The following GPHN variants were observed in gnomAD, a reference collection of about 807,000 sequenced individuals.
GPHN encodes gephyrin.
GPHN carries 17 observed loss-of-function variants against 95.5 expected under a neutral mutation model. The ratio of observed to expected loss-of-function variants is 0.18; its 90% CI spans 0.12 to 0.27. The LOEUF is 0.27. GPHN is among the 10% of genes least tolerant of loss of function. The pLI is 1.00. For missense variants in GPHN, 660 were observed against 978.1 expected, an observed-to-expected ratio of 0.67 and a Z score of 4.34; for synonymous variants, 320 against 322.5, an observed-to-expected ratio of 0.99 and a Z score of 0.08.
intron 4 of GPHN, among the ~76,000 whole-genome samples, chr14:66,840,507 T>G (rs914081406): frequency 1.9e-4 from 29 of 152,068 alleles, no homozygotes; most frequent in Non-Finnish European, 3.4e-4. Flanking sequence ...TTTTAGATTT[T>G]GTAGGCATAT....
chr14:67,582,297 C>A, the GPHN span: 6 of 1,596,720 alleles, frequency 3.8e-6, no homozygotes, highest in African/African-American at 8.0e-5. The surrounding 1 kb of genome is among the most constrained non-coding windows in gnomAD (Gnocchi z 5.0). Context: ...AGAGATTCTG[C>A]AGATCCTGTG....
intron 5 of GPHN, among the ~76,000 whole-genome samples, chr14:66,908,846 C>CAA (rs111376119): frequency 1.8e-4 from 22 of 121,344 alleles, no homozygotes; most frequent in East Asian, 4.7e-4. Flanking sequence ...GGGCATTCTG[C>CAA]AAAAAAAAAA....
intron 1 of GPHN, among the ~76,000 whole-genome samples, chr14:66,533,933 T>G (rs1246081127): frequency 6.6e-6 from 1 of 152,182 alleles, no homozygotes; most frequent in Non-Finnish European, 1.5e-5. Flanking sequence ...ACTAACACAC[T>G]CTAGTAGGTA....
At chr14:67,158,168 G>A (rs148580483) in intron 18 of GPHN, among the ~76,000 whole-genome samples, 7 of 151,684 alleles carry the variant, frequency 4.6e-5, no homozygotes, top group South Asian at 4.2e-4. Context: ...TTAGCTGGGC[G>A]TAGTGGTGCA....
chr14:66,651,016 T>C (rs991335748), intron 1 of GPHN, among the ~76,000 whole-genome samples: 1 of 152,166 alleles, frequency 6.6e-6, no homozygotes, highest in Non-Finnish European at 1.5e-5. Context: ...AACTCACATC[T>C]GTTTGCGCAG....
chr14:67,311,737 T>C, the GPHN span, among the ~76,000 whole-genome samples: 1 of 152,244 alleles, frequency 6.6e-6, no homozygotes, highest in African/African-American at 2.4e-5. Context: ...CACAATTCTT[T>C]GATTTATTCT....
intron 2 of GPHN, among the ~76,000 whole-genome samples, chr14:66,691,967 T>C (rs960802316): frequency 1.3e-5 from 2 of 152,226 alleles, no homozygotes; most frequent in Non-Finnish European, 2.9e-5. Flanking sequence ...TCTTTTTCTA[T>C]GTTTGACAAT....
intron 10 of GPHN, among the ~76,000 whole-genome samples, chr14:67,034,441 A>G (rs2074325240): frequency 6.6e-6 from 1 of 152,164 alleles, no homozygotes; most frequent in East Asian, 1.9e-4. Context: ...ACATGTGCCA[A>G]TAATAAGGCC....
At chr14:67,066,369 T>A (rs554002670) in intron 11 of GPHN, among the ~76,000 whole-genome samples, 19 of 152,324 alleles carry the variant, frequency 1.2e-4, no homozygotes, top group Admixed American at 5.2e-4. Flanking sequence ...CATTTTTTCC[T>A]TCATTTCAAC....
intron 2 of GPHN, among the ~76,000 whole-genome samples, chr14:66,773,377 G>A (rs190827437): frequency 0.012 from 1,737 of 139,068 alleles, 19 homozygotes; most frequent in Middle Eastern, 0.023. Flanking sequence ...TTTTTGAGAC[G>A]GAGCCTCGCT....
chr14:66,511,709 A>G (rs2058046074), intron 1 of GPHN, among the ~76,000 whole-genome samples: 1 of 152,056 alleles, frequency 6.6e-6, no homozygotes, highest in Non-Finnish European at 1.5e-5. Flanking sequence ...TAATTGTATT[A>G]GGTTTATGAA....
At chr14:67,219,725 T>G in the GPHN span, among the ~76,000 whole-genome samples, 1 of 152,176 alleles carries the variant, frequency 6.6e-6, no homozygotes, top group African/African-American at 2.4e-5. Context: ...ATAAAAGATC[T>G]TGAGAATTAA....
chr14:67,688,187 A>G, the GPHN span, among the ~76,000 whole-genome samples: 1 of 152,182 alleles, frequency 6.6e-6, no homozygotes, highest in Non-Finnish European at 1.5e-5. Context: ...CAGACTGAAT[A>G]AGGTCCCCCC....
At chr14:67,378,897 GTATCAA>G in the GPHN span, among the ~76,000 whole-genome samples, 1 of 152,166 alleles carries the variant, frequency 6.6e-6, no homozygotes, top group Admixed American at 6.5e-5. Flanking sequence ...CTGAAATTAT[GTATCAA>G]TATCATTTGT....
chr14:66,920,061 G>C (rs1398242367), intron 6 of GPHN, among the ~76,000 whole-genome samples: 1 of 152,006 alleles, frequency 6.6e-6, no homozygotes, highest in Non-Finnish European at 1.5e-5. Flanking sequence ...ATGAGACTCC[G>C]TCTCAAAACA....
At chr14:67,258,392 C>T in the GPHN span, among the ~76,000 whole-genome samples, 2 of 152,068 alleles carry the variant, frequency 1.3e-5, no homozygotes, top group Non-Finnish European at 2.9e-5. Context: ...AAAACTTAGC[C>T]GGCTGTAGTG....
intron 10 of GPHN, among the ~76,000 whole-genome samples, chr14:67,039,203 T>C (rs1225837582): frequency 6.6e-6 from 1 of 152,178 alleles, no homozygotes; most frequent in Non-Finnish European, 1.5e-5. Context: ...CCAGCTTCAT[T>C]GGGCAATTTC....
At chr14:67,641,451 G>A in the GPHN span, among the ~76,000 whole-genome samples, 5 of 152,152 alleles carry the variant, frequency 3.3e-5, no homozygotes, top group African/African-American at 4.8e-5. Flanking sequence ...TAACTTGGGC[G>A]GTTACTTCTC....
At chr14:67,734,545 C>T in the GPHN span, 1 of 155,604 alleles carries the variant, frequency 6.4e-6, no homozygotes, top group African/African-American at 2.4e-5. Flanking sequence ...TTCACCCTAC[C>T]CAGCCACGGG....
Sources: allele counts gnomAD v4.1 joint callset (sites outside exome capture counted in the v4.1 genomes callset), GRCh38; gene constraint gnomAD v4.1.1; non-coding constraint Gnocchi (gnomAD v3.1); transcripts MANE v1.5; gene names NCBI Gene and HGNC (gene_info 2026-07-23, HGNC 2026-07-21).